The following CARS1 variants were observed in gnomAD, a reference collection of about 807,000 sequenced individuals.
CARS1 encodes cysteinyl-tRNA synthetase 1.
Under a neutral mutation model 106.2 loss-of-function variants are expected in CARS1, and 48 were observed. The observed-to-expected ratio is 0.45, with a 90% confidence interval of 0.36 to 0.57. The LOEUF (loss-of-function observed/expected upper bound fraction) is 0.57. Ranked by LOEUF, CARS1 falls within the 20% of genes least tolerant of loss-of-function variation. The probability of loss-of-function intolerance (pLI) is 0.00; values close to 1 mark genes in which losing one functional copy is unlikely to be tolerated. For missense variants in CARS1, 968 were observed against 1,057.2 expected, an observed-to-expected ratio of 0.92 and a Z score of 1.17; for synonymous variants, 409 against 403.4, an observed-to-expected ratio of 1.01 and a Z score of -0.17.
chr11:3,028,867 G>C lies in CARS1; in HGVS notation c.1031+129C>G, dbSNP rs1311607404. On this transcript the variant is annotated intron_variant, in intron 9 of 22. Coordinates refer to ENST00000380525, the MANE Select transcript of CARS1 (RefSeq NM_001014437.3). The surrounding 1 kb of genome is among the most constrained non-coding windows in gnomAD (Gnocchi z 4.4). ...CAGAGTTGTAGGAGGAAGTCTGCTG[G>C]GACTTCTAGCTACGCAGCCCCAGAA... is the stretch of plus-strand genomic sequence containing the variant. The C allele has an allele frequency of 1.4e-6, 1 of 707,358 alleles. No homozygotes were observed. Among genetic ancestry groups the C allele is most frequent in the Non-Finnish European group, 2.5e-6 (1 of 395,178 alleles). The allele number at this position is 707,358 out of a possible 1,614,324, so 43.8% of individuals were successfully genotyped here.
chr11:3,005,285 A>T, intron 20 of CARS1, 81 bp downstream of exon 20: 1 of 1,109,700 alleles, frequency 9.0e-7, no homozygotes, highest in South Asian at 1.4e-5. Flanking sequence ...ATCAATGCTT[A>T]AAAAGTAAAC....
rs1853305273 is a variant in CARS1 at position 3,034,361 on chromosome 11, C to T, written c.801+3689G>A. Among the ~76,000 whole-genome samples, 1 of 152,002 alleles carries T rather than the reference C, an allele frequency of 6.6e-6. No individual in the cohort carries two copies. The highest frequency in any genetic ancestry group is 1.5e-5 in the Non-Finnish European group (1 of 68,024). ...TCAGCCTCCAGAGTAGCTGGGATTA[C>T]AGACGCGCGCCACCACATTTGGCTA... On this transcript the variant is annotated intron_variant, in intron 7 of 22. Transcript: ENST00000380525. This position sits in a 1 kb window ranked among gnomAD's most constrained non-coding sequence, Gnocchi z 6.3.
intron 9 of CARS1, 189 bp from the exon 10 acceptor site, chr11:3,026,986 C>T (rs945094391): frequency 9.9e-6 from 6 of 608,538 alleles, no homozygotes; most frequent in South Asian, 2.4e-5. Context: ...CATCCCGCTG[C>T]GGAGGCAGCC....
At chr11:3,042,344 A>G (rs1854574816) in intron 2 of CARS1, 88 bp from the exon 3 acceptor site, 1 of 838,058 alleles carries the variant, frequency 1.2e-6, no homozygotes, top group Non-Finnish European at 1.9e-6. Flanking sequence ...GGTTTTTACA[A>G]CGGGACCATA....
Position 3,018,768 on chromosome 11 carries a change from A to C in CARS1, c.1396-19T>G, listed in dbSNP as rs1287547171. 6.2e-7 allele frequency: 1 copy of C among 1,610,726 alleles called. No individual in the cohort carries two copies. Among genetic ancestry groups the C allele is most frequent in the East Asian group, 2.2e-5 (1 of 44,844 alleles). On this transcript the variant is annotated intron_variant, in intron 12 of 22. Coordinates refer to ENST00000380525, the MANE Select transcript of CARS1 (RefSeq NM_001014437.3). ...AGTAGGCCTGCGTGGAAAGAGACAA[A>C]GGATGTCAACAGTCATGTGTTACTG...
At position 3,043,687 on chromosome 11, in the gene CARS1, C is replaced by T. The variant is rs1419819679; in HGVS notation, c.275-1431G>A. Among the ~76,000 whole-genome samples the T allele has an allele frequency of 4.6e-5, 7 of 152,040 alleles. No individual in the cohort carries two copies. Among genetic ancestry groups the T allele is most frequent in the South Asian group, 2.1e-4 (1 of 4,822 alleles). ...CCAGCAAATTGCCACACACTGATCA[C>T]GGGGAAGTTGGTCCTGGGCACCAGC... On this transcript the variant is annotated intron_variant, in intron 2 of 22. Transcript: ENST00000380525. The surrounding 1 kb of genome is among the most constrained non-coding windows in gnomAD (Gnocchi z 4.0).
In CARS1 at chr11:3,003,694, G is replaced by A. The variant is rs573972359; in HGVS notation, c.2218-1094C>T. Among the ~76,000 whole-genome samples, 1 of 152,182 alleles carries A rather than the reference G, an allele frequency of 6.6e-6. No individual in the cohort carries two copies. Among genetic ancestry groups the A allele is most frequent in the South Asian group, 2.1e-4 (1 of 4,826 alleles). On this transcript the variant is annotated intron_variant, in intron 20 of 22. Coordinates refer to ENST00000380525, the MANE Select transcript of CARS1 (RefSeq NM_001014437.3). The surrounding 1 kb of genome is among the most constrained non-coding windows in gnomAD (Gnocchi z 4.8). ...CTGGCCGAGGGAAAGGGGCTGAGGTGGGGGAGGAGCTGGGCACTGAGCTTG... is the reference window on the plus strand; with the variant it reads ...CTGGCCGAGGGAAAGGGGCTGAGGTAGGGGAGGAGCTGGGCACTGAGCTTG...
rs1236419819 is a variant in CARS1, at chr11:3,028,777, G to A, written c.1031+219C>T. ...CTGCCGAGCTTCCCAGCAGATTCTG[G>A]GTTAGGTTCTCACCATGGCCCCCAG... is the stretch of plus-strand genomic sequence containing the variant. On this transcript the variant is annotated intron_variant, in intron 9 of 22. Transcript: ENST00000380525. This position sits in a 1 kb window ranked among gnomAD's most constrained non-coding sequence, Gnocchi z 4.4. 3.7e-6 allele frequency: 2 copies of A among 539,782 alleles called. No homozygotes were observed. The highest frequency in any genetic ancestry group is 6.5e-6 in the Non-Finnish European group (2 of 305,930). 33.4% of individuals were successfully genotyped at this position (539,782 alleles called of 1,614,324 possible). A position where few individuals can be genotyped will look rare whatever the true frequency, so the allele number is the denominator to read the frequency against.
rs187528487 is a variant in CARS1 at position 3,052,212 on chromosome 11, G to A, written c.26-4211C>T. On this transcript the variant is annotated intron_variant, in intron 1 of 22. Coordinates refer to ENST00000380525, the MANE Select transcript of CARS1 (RefSeq NM_001014437.3). This position sits in a 1 kb window ranked among gnomAD's most constrained non-coding sequence, Gnocchi z 4.6. ...TCCGCTCTCTGGAGACCTGAGGGGC[G>A]GCCCCGACGCCCTCCAGGGCTGAGT... Among the ~76,000 whole-genome samples the A allele has an allele frequency of 2.2e-4, 34 of 152,202 alleles. 1 individual carries two copies. The Middle Eastern group carries it at 9.5e-3, about 42-fold the overall frequency.
At position 3,004,505 on chromosome 11, in the gene CARS1, C is replaced by T. The variant is rs1849671319; in HGVS notation, c.2217+861G>A. Among the ~76,000 whole-genome samples the T allele has an allele frequency of 6.6e-6, 1 of 152,162 alleles. No individual in the cohort carries two copies. Among genetic ancestry groups the T allele is most frequent in the Non-Finnish European group, 1.5e-5 (1 of 68,018 alleles). ...CTCCACGGTGGTCTCCTGCTTTAAG[C>T]CTCTTGGGGACCCACCTGCTGGTGG... On this transcript the variant is annotated intron_variant, in intron 20 of 22. Transcript: ENST00000380525. The surrounding 1 kb of genome is among the most constrained non-coding windows in gnomAD (Gnocchi z 5.2).
At position 3,026,682 on chromosome 11, in the gene CARS1, C is replaced by G. The variant is rs1450863078; in HGVS notation, c.1147G>C (p.Gly383Arg). ...AVGDQKALQE[G>R]EGDLSISADR... ...TCAGGCATGCCCTCCTCACCTTCCC[C>G]TTCTTGAAGGGCTTTCTGATCTCCA... is the stretch of plus-strand genomic sequence containing the variant. The change falls in exon 10 of 23, where the codon GGG (glycine) becomes CGG (arginine). Residue 383 changes from glycine to arginine, a missense_variant. Gly to Arg is a moderately radical substitution (Grantham distance 125, BLOSUM62 -2). Coordinates refer to ENST00000380525, the MANE Select transcript of CARS1 (RefSeq NM_001014437.3). 1 of 1,613,874 alleles carries G rather than the reference C, an allele frequency of 6.2e-7. No individual in the cohort carries two copies. Among genetic ancestry groups the G allele is most frequent in the South Asian group, 1.1e-5 (1 of 91,032 alleles).
At chr11:3,055,629 G>A (rs746740012) in intron 1 of CARS1, among the ~76,000 whole-genome samples, 3 of 152,140 alleles carry the variant, frequency 2.0e-5, no homozygotes, top group Non-Finnish European at 2.9e-5. Context: ...CAACCTATAT[G>A]GCAAGCTCCA....
Position 3,041,421 on chromosome 11 carries a change from C to T in CARS1, c.367-437G>A, listed in dbSNP as rs1854433203. On this transcript the variant is annotated intron_variant, in intron 3 of 22. Coordinates refer to ENST00000380525, the MANE Select transcript of CARS1 (RefSeq NM_001014437.3). The surrounding 1 kb of genome is among the most constrained non-coding windows in gnomAD (Gnocchi z 4.9). ...CGGATGAAGAAACTGAGGCAGACAACACTTGGCCAGGGTCAGTCCCTGTTG... is the reference window on the plus strand; with the variant it reads ...CGGATGAAGAAACTGAGGCAGACAATACTTGGCCAGGGTCAGTCCCTGTTG... Among the ~76,000 whole-genome samples, 4 of 152,132 alleles carry T rather than the reference C, an allele frequency of 2.6e-5. No homozygotes were observed. In the South Asian group the frequency reaches 8.3e-4, roughly 31 times the overall value.
chr11:3,035,837 G>A (rs560689705), intron 7 of CARS1, among the ~76,000 whole-genome samples: 1 of 152,328 alleles, frequency 6.6e-6, no homozygotes, highest in South Asian at 2.1e-4. Context: ...AGCCTAGAAG[G>A]TCTGTGTCTG....
chr11:3,011,194 G>A (rs1327295489), intron 18 of CARS1, among the ~76,000 whole-genome samples: 2 of 152,220 alleles, frequency 1.3e-5, no homozygotes, highest in Non-Finnish European at 2.9e-5. Flanking sequence ...AGAAGCAAAG[G>A]CCTGCCTGAT....
rs1855889558 is a variant in CARS1 at position 3,053,410 on chromosome 11, T to C, written c.25+3933A>G. On this transcript the variant is annotated intron_variant, in intron 1 of 22. Coordinates refer to ENST00000380525, the MANE Select transcript of CARS1 (RefSeq NM_001014437.3). This position sits in a 1 kb window ranked among gnomAD's most constrained non-coding sequence, Gnocchi z 6.6. ...CATGCCCAGCTAATTTTTGTATTTTTAGTAGAGACGGGGTTTCTACATATT... is the reference window on the plus strand; with the variant it reads ...CATGCCCAGCTAATTTTTGTATTTTCAGTAGAGACGGGGTTTCTACATATT... 6.6e-6 allele frequency among the ~76,000 whole-genome samples: 1 copy of C among 152,038 alleles called. No individual in the cohort carries two copies. Among genetic ancestry groups the C allele is most frequent in the Non-Finnish European group, 1.5e-5 (1 of 67,988 alleles).
chr11:3,013,160 CTT>C (rs1211052217), intron 17 of CARS1, among the ~76,000 whole-genome samples: 1 of 142,820 alleles, frequency 7.0e-6, no homozygotes, highest in African/African-American at 2.6e-5. Context: ...AGCATTTCCC[CTT>C]TTTTTTTTTG....
intron 18 of CARS1, 96 bp downstream of exon 18, chr11:3,012,099 C>G: frequency 8.8e-7 from 1 of 1,131,134 alleles, no homozygotes; most frequent in Non-Finnish European, 1.3e-6. Flanking sequence ...GAGGATGATC[C>G]GGCCTGAACG....
rs993566802 is a variant in CARS1 at position 3,040,059 on chromosome 11, A to AC, written c.456-129dup. The AC allele has an allele frequency of 5.2e-5, 29 of 560,962 alleles. 1 individual carries two copies. The highest frequency in any genetic ancestry group is 4.8e-4 in the East Asian group (15 of 31,098). The allele number at this position is 560,962 out of a possible 1,614,324, so 34.7% of individuals were successfully genotyped here. A position where few individuals can be genotyped will look rare whatever the true frequency, so the allele number is the denominator to read the frequency against. On this transcript the variant is annotated intron_variant, in intron 4 of 22. Coordinates refer to ENST00000380525, the MANE Select transcript of CARS1 (RefSeq NM_001014437.3). This position sits in a 1 kb window ranked among gnomAD's most constrained non-coding sequence, Gnocchi z 5.8. The stretch of plus-strand genomic sequence containing the variant: ...TCTCTGCCATCCCTGAAACAGCAAG[A>AC]CCCCCCCTTCTCCTCCTCAGTCTAC...
Sources: allele counts gnomAD v4.1 joint callset (sites outside exome capture counted in the v4.1 genomes callset), GRCh38; gene constraint gnomAD v4.1.1; non-coding constraint Gnocchi (gnomAD v3.1); transcripts MANE v1.5; gene names NCBI Gene and HGNC (gene_info 2026-07-23, HGNC 2026-07-21).